SGCZ: variants seen among roughly 807,000 people sequenced by gnomAD.
SGCZ encodes the protein zeta-sarcoglycan.
A neutral mutation model predicts 41.3 loss-of-function variants in SGCZ; 40 were observed. The ratio of observed to expected loss-of-function variants is 0.97; its 90% CI spans 0.75 to 1.26. The LOEUF (loss-of-function observed/expected upper bound fraction) is 1.26, where lower values mean the gene tolerates loss of function less well. Among genes scored for constraint, SGCZ ranks in the 50% most tolerant of loss-of-function variants. The probability of loss-of-function intolerance (pLI) is 0.00; values close to 1 mark genes in which losing one functional copy is unlikely to be tolerated. For synonymous variants in SGCZ, 206 were observed against 137.5 expected, an observed-to-expected ratio of 1.50 and a Z score of -3.49; for missense variants, 552 against 369.8, an observed-to-expected ratio of 1.49 and a Z score of -4.04.
chr8:14,180,227 C>T (rs1177522111), intron 4 of SGCZ, among the ~76,000 whole-genome samples: 35 of 152,150 alleles, frequency 2.3e-4, no homozygotes, highest in Admixed American at 2.2e-3. Flanking sequence ...GAGTTGAAGG[C>T]CTCCTAGCCA....
At chr8:14,829,131 T>G (rs1041287860) in intron 1 of SGCZ, among the ~76,000 whole-genome samples, 5 of 152,046 alleles carry the variant, frequency 3.3e-5, no homozygotes, top group Admixed American at 2.0e-4. Flanking sequence ...TACAGATTAT[T>G]TCCTCATCCA....
At chr8:14,397,423 CATA>C (rs1224740441) in intron 2 of SGCZ, among the ~76,000 whole-genome samples, 2 of 150,890 alleles carry the variant, frequency 1.3e-5, no homozygotes, top group African/African-American at 5.0e-5. Flanking sequence ...GCTTTAATGG[CATA>C]ATTTCTTTTT....
At chr8:14,762,613 C>T (rs1799923449) in intron 1 of SGCZ, among the ~76,000 whole-genome samples, 1 of 152,152 alleles carries the variant, frequency 6.6e-6, no homozygotes, top group African/African-American at 2.4e-5. Flanking sequence ...CTCTTGGTCT[C>T]ATCATAAATT....
intron 1 of SGCZ, among the ~76,000 whole-genome samples, chr8:15,042,595 T>G (rs753387406): frequency 3.3e-5 from 5 of 152,342 alleles, no homozygotes; most frequent in African/African-American, 1.2e-4. Context: ...TTACTTGATA[T>G]GGGTTAATAC....
At chr8:15,059,678 T>C (rs1804844064) in intron 1 of SGCZ, among the ~76,000 whole-genome samples, 1 of 152,334 alleles carries the variant, frequency 6.6e-6, no homozygotes. Context: ...TATATTTGTG[T>C]CTTTGCTTAT....
chr8:15,020,940 A>G (rs1365457565), intron 1 of SGCZ, among the ~76,000 whole-genome samples: 3 of 152,192 alleles, frequency 2.0e-5, no homozygotes, highest in Non-Finnish European at 4.4e-5. Context: ...TAGGAAATGA[A>G]TCTACATTTT....
At chr8:15,237,098 C>T (rs934737296) in intron 1 of SGCZ, among the ~76,000 whole-genome samples, 1 of 152,236 alleles carries the variant, frequency 6.6e-6, no homozygotes, top group Non-Finnish European at 1.5e-5. Flanking sequence ...TTGCAGATGC[C>T]TCTGTCACGC....
intron 1 of SGCZ, among the ~76,000 whole-genome samples, chr8:15,152,009 G>C (rs1198286860): frequency 6.6e-6 from 1 of 152,208 alleles, no homozygotes; most frequent in African/African-American, 2.4e-5. Flanking sequence ...CTGTGGTTAA[G>C]CAAAGGTTTG....
At chr8:14,369,170 G>C (rs908817258) in intron 2 of SGCZ, among the ~76,000 whole-genome samples, 3 of 151,834 alleles carry the variant, frequency 2.0e-5, no homozygotes, top group Non-Finnish European at 2.9e-5. Context: ...TATTTTATCA[G>C]TTGTTTCAAG....
intron 1 of SGCZ, among the ~76,000 whole-genome samples, chr8:15,007,545 C>A (rs1802650817): frequency 6.6e-6 from 1 of 152,176 alleles, no homozygotes; most frequent in African/African-American, 2.4e-5. Flanking sequence ...CAGCGTAACT[C>A]AAGGCATATC....
chr8:14,716,433 A>G (rs1270787459), intron 1 of SGCZ, among the ~76,000 whole-genome samples: 2 of 152,114 alleles, frequency 1.3e-5, no homozygotes, highest in Non-Finnish European at 2.9e-5. Flanking sequence ...ATACAGATAT[A>G]CATCTCCCAA....
At chr8:14,398,192 T>C (rs1188761702) in intron 2 of SGCZ, among the ~76,000 whole-genome samples, 2 of 152,158 alleles carry the variant, frequency 1.3e-5, no homozygotes, top group African/African-American at 4.8e-5. Flanking sequence ...TGAATTCAGC[T>C]AATGACACCG....
chr8:14,158,970 T>C (rs1253204718), intron 5 of SGCZ, among the ~76,000 whole-genome samples: 2 of 152,188 alleles, frequency 1.3e-5, no homozygotes, highest in East Asian at 1.9e-4. Context: ...GGTTTCACCA[T>C]GTTGGCCAGG....
chr8:15,066,778 C>A (rs1166345832), intron 1 of SGCZ, among the ~76,000 whole-genome samples: 1 of 152,152 alleles, frequency 6.6e-6, no homozygotes, highest in African/African-American at 2.4e-5. Context: ...GCCACCTAGT[C>A]TCTTACTAAG....
intron 1 of SGCZ, among the ~76,000 whole-genome samples, chr8:15,117,846 C>T (rs1807329729): frequency 6.6e-6 from 1 of 152,054 alleles, no homozygotes; most frequent in African/African-American, 2.4e-5. Context: ...CAAAAATCTC[C>T]ACGTATTCAA....
chr8:15,092,848 C>T (rs558688854), intron 1 of SGCZ, among the ~76,000 whole-genome samples: 1 of 152,312 alleles, frequency 6.6e-6, no homozygotes, highest in African/African-American at 2.4e-5. Context: ...GAAAAGCTTT[C>T]AACTATTTAA....
intron 4 of SGCZ, among the ~76,000 whole-genome samples, chr8:14,169,418 G>A (rs1405443605): frequency 6.6e-6 from 1 of 152,040 alleles, no homozygotes; most frequent in African/African-American, 2.4e-5. Context: ...TATCTCGTCA[G>A]TATTACCAGT....
chr8:14,165,683 C>G (rs543536321), intron 4 of SGCZ, among the ~76,000 whole-genome samples: 1 of 152,228 alleles, frequency 6.6e-6, no homozygotes, highest in East Asian at 1.9e-4. Context: ...CCAGCTGAGT[C>G]AGGGAAGTAG....
At chr8:14,281,957 A>T (rs972417833) in intron 3 of SGCZ, among the ~76,000 whole-genome samples, 6 of 152,118 alleles carry the variant, frequency 3.9e-5, no homozygotes, top group Admixed American at 3.9e-4. Flanking sequence ...TTAAACGAAC[A>T]ACATCAATCC....
Sources: allele counts gnomAD v4.1 joint callset (sites outside exome capture counted in the v4.1 genomes callset), GRCh38; gene constraint gnomAD v4.1.1; transcripts MANE v1.5; gene names NCBI Gene and HGNC (gene_info 2026-07-23, HGNC 2026-07-21).